WASF2: variants seen among roughly 807,000 people sequenced by gnomAD.
WASF2 encodes actin-binding protein WASF2.
Under a neutral mutation model 45.0 loss-of-function variants are expected in WASF2, and 14 were observed. The ratio of observed to expected loss-of-function variants is 0.31; its 90% CI spans 0.21 to 0.49. The LOEUF is 0.49. Among genes scored for constraint, WASF2 ranks in the 20% least tolerant of loss-of-function variants. The pLI is 0.99. For synonymous variants in WASF2, 200 were observed against 236.3 expected (o/e 0.85, Z 1.41); for missense variants, 439 against 636.1 (o/e 0.69, Z 3.33).
chr1:27,463,895 C>T (rs1308896554), intron 1 of WASF2, among the ~76,000 whole-genome samples: 2 of 150,792 alleles, frequency 1.3e-5, no homozygotes, highest in African/African-American at 2.4e-5. Flanking sequence ...CTCAGCCTCC[C>T]GAGTTAGCTG....
chr1:27,419,098 G>A lies in WASF2; in HGVS notation c.131-10C>T, dbSNP rs756428565. On this transcript the variant is annotated splice_polypyrimidine_tract_variant and intron_variant, in intron 2 of 8. Transcript: ENST00000618852. ...TCCTCTGCATATTTACCTGGAAAGA[G>A]CAAAGAAACCAAGTCACTAGTGCAT... is the stretch of plus-strand genomic sequence containing the variant. 2 of 1,612,814 alleles carry A rather than the reference G, an allele frequency of 1.2e-6. No homozygotes were observed. Among genetic ancestry groups the A allele is most frequent in the South Asian group, 1.1e-5 (1 of 91,046 alleles).
intron 1 of WASF2, among the ~76,000 whole-genome samples, chr1:27,484,882 G>A (rs2017902678): frequency 6.6e-6 from 1 of 152,020 alleles, no homozygotes; most frequent in Admixed American, 6.6e-5. Context: ...GGGTGTGGTG[G>A]CTAATGCCTG....
At chr1:27,416,366 G>A (rs1289730258) in intron 4 of WASF2, among the ~76,000 whole-genome samples, 1 of 152,314 alleles carries the variant, frequency 6.6e-6, no homozygotes, top group South Asian at 2.1e-4. Flanking sequence ...ACAGGTGATA[G>A]CAGCAGGGAT....
At chr1:27,450,912 C>T (rs1557610694) in intron 1 of WASF2, among the ~76,000 whole-genome samples, 2 of 151,432 alleles carry the variant, frequency 1.3e-5, no homozygotes, top group Admixed American at 1.3e-4. Flanking sequence ...CAAATGACAA[C>T]TATGAAATAT....
intron 1 of WASF2, among the ~76,000 whole-genome samples, chr1:27,489,348 TACAC>T (rs10636716): frequency 0.053 from 521 of 9,908 alleles, no homozygotes; most frequent in Middle Eastern, 0.083. Flanking sequence ...TACTTCATGG[TACAC>T]ACACACACAC....
chr1:27,473,251 C>T (rs1396458241), intron 1 of WASF2, among the ~76,000 whole-genome samples: 7 of 151,692 alleles, frequency 4.6e-5, no homozygotes, highest in Admixed American at 2.6e-4. Flanking sequence ...GAGGCCGAGG[C>T]GGGCGGATCA....
chr1:27,408,224 A>C lies in WASF2; in HGVS notation c.1462T>G (p.Ser488Ala). 1 of 1,614,150 alleles carries C rather than the reference A, an allele frequency of 6.2e-7. No homozygotes were observed. Among genetic ancestry groups the C allele is most frequent in the South Asian group, 1.1e-5 (1 of 91,074 alleles). ...AVEYSDSEDD[S>A]SEFDEDDWSD is the part of the protein sequence containing the mutation. The stretch of plus-strand genomic sequence containing the variant: ...CAGTCGTCCTCATCAAATTCAGAGG[A>C]GTCATCTTCTGAGTCACTGTACTCA... The change falls in exon 9 of 9, where the codon TCC (serine) becomes GCC (alanine). Residue 488 changes from serine to alanine, a missense_variant. This residue lies in a region of WASF2 where 286 missense variants were observed against 373.5 expected (regional missense o/e 0.77). Coordinates refer to ENST00000618852, the MANE Select transcript of WASF2 (RefSeq NM_006990.5).
chr1:27,481,770 A>T (rs1161923289), intron 1 of WASF2, among the ~76,000 whole-genome samples: 1 of 152,196 alleles, frequency 6.6e-6, no homozygotes, highest in Non-Finnish European at 1.5e-5. Flanking sequence ...GTTCAAATGG[A>T]ATTAATCTTA....
chr1:27,418,510 T>C, intron 3 of WASF2, 88 bp from the exon 4 acceptor site: 3 of 1,566,146 alleles, frequency 1.9e-6, no homozygotes, highest in East Asian at 2.2e-5. Context: ...CCTCAGCTGC[T>C]GCACTTCTTG....
At chr1:27,486,451 G>A (rs1052660246) in intron 1 of WASF2, among the ~76,000 whole-genome samples, 2 of 152,196 alleles carry the variant, frequency 1.3e-5, no homozygotes, top group Non-Finnish European at 2.9e-5. Context: ...AGAGCTTCAC[G>A]TGCAATAAAT....
intron 1 of WASF2, among the ~76,000 whole-genome samples, chr1:27,484,257 T>G (rs1473467437): frequency 6.6e-6 from 1 of 152,190 alleles, no homozygotes; most frequent in African/African-American, 2.4e-5. Context: ...AGTAGAGATG[T>G]CCGAGAAAAC....
At chr1:27,428,713 G>A (rs2017020230) in intron 2 of WASF2, 48 bp downstream of exon 2, 2 of 1,613,570 alleles carry the variant, frequency 1.2e-6, no homozygotes, top group Non-Finnish European at 1.7e-6. Context: ...TAAATAAAGA[G>A]CACCAACGAC....
chr1:27,487,194 G>A (rs866169114), intron 1 of WASF2, among the ~76,000 whole-genome samples: 2 of 145,690 alleles, frequency 1.4e-5, no homozygotes, highest in Admixed American at 7.1e-5. Flanking sequence ...TCCGCCTCCC[G>A]GGTTCACACC....
chr1:27,457,621 C>CT (rs759707887), intron 1 of WASF2, among the ~76,000 whole-genome samples: 2,393 of 140,288 alleles, frequency 0.017, 25 homozygotes, highest in Middle Eastern at 0.019. Context: ...ATATTGTGAC[C>CT]TTTTTTTTTT....
At position 27,414,878 on chromosome 1, in the gene WASF2, A is replaced by G. The variant is rs746568225; in HGVS notation, c.623T>C (p.Met208Thr). 1 of 1,614,084 alleles carries G rather than the reference A, an allele frequency of 6.2e-7. No individual in the cohort carries two copies. Among genetic ancestry groups the G allele is most frequent in the Non-Finnish European group, 8.5e-7 (1 of 1,180,004 alleles). ...TTTGGACTCCACAAATTCTTGCCCC[A>G]TCTTCATTTTCTCCCACTCTTCCTT... ...TRKEEWEKMK[M>T]GQEFVESKEK... is the part of the protein sequence containing the mutation. Residue 208 changes from methionine to threonine, a missense_variant, in exon 6 of 9, where the codon ATG (methionine) becomes ACG (threonine). Physicochemically the swap from Met to Thr is moderately conservative, Grantham distance 81. Coordinates refer to ENST00000618852, the MANE Select transcript of WASF2 (RefSeq NM_006990.5). The surrounding 1 kb of genome is among the most constrained non-coding windows in gnomAD (Gnocchi z 4.1).
At chr1:27,461,102 C>T (rs1178126243) in intron 1 of WASF2, among the ~76,000 whole-genome samples, 2 of 152,006 alleles carry the variant, frequency 1.3e-5, no homozygotes, top group South Asian at 4.1e-4. Flanking sequence ...GCAGAGATCA[C>T]GCCACTGCAC....
At chr1:27,454,514 T>C (rs2017441221) in intron 1 of WASF2, among the ~76,000 whole-genome samples, 2 of 152,010 alleles carry the variant, frequency 1.3e-5, no homozygotes, top group African/African-American at 2.4e-5. Flanking sequence ...GTTTTTAAAT[T>C]TTTTGTAGAG....
intron 1 of WASF2, among the ~76,000 whole-genome samples, chr1:27,437,723 G>A (rs527851028): frequency 6.6e-6 from 1 of 152,198 alleles, no homozygotes; most frequent in South Asian, 2.1e-4. Context: ...ACTTTGATTG[G>A]ATAAATATAG....
intron 1 of WASF2, among the ~76,000 whole-genome samples, chr1:27,444,428 A>G (rs1350537986): frequency 6.6e-6 from 1 of 152,320 alleles, no homozygotes; most frequent in Non-Finnish European, 1.5e-5. Flanking sequence ...AGCATTCCAG[A>G]GGGGTACCCA....
Sources: allele counts gnomAD v4.1 joint callset (sites outside exome capture counted in the v4.1 genomes callset), GRCh38; gene constraint gnomAD v4.1.1; regional missense constraint gnomAD v4.1.1; non-coding constraint Gnocchi (gnomAD v3.1); transcripts MANE v1.5; gene names NCBI Gene and HGNC (gene_info 2026-07-23, HGNC 2026-07-21).